PICALM: variants seen among roughly 807,000 people sequenced by gnomAD.
PICALM encodes the protein phosphatidylinositol binding clathrin assembly protein, also known as phosphatidylinositol-binding clathrin assembly protein.
PICALM carries 40 observed loss-of-function variants against 80.5 expected under a neutral mutation model. That is an observed-to-expected ratio of 0.50 (90% CI 0.39 to 0.65). The LOEUF is 0.65. Ranked by LOEUF, PICALM falls within the 30% of genes least tolerant of loss-of-function variation. The pLI is 0.00. For missense variants in PICALM, 676 were observed against 778.9 expected, an observed-to-expected ratio of 0.87 and a Z score of 1.57; for synonymous variants, 288 against 260.3, an observed-to-expected ratio of 1.11 and a Z score of -1.02.
chr11:86,031,490 A>C lies in PICALM; in HGVS notation c.252T>G (p.His84Gln), dbSNP rs371017558. 2 of 1,612,524 alleles carry C rather than the reference A, an allele frequency of 1.2e-6. No homozygotes were observed. The highest frequency in any genetic ancestry group is 1.7e-6 in the Non-Finnish European group (2 of 1,179,464). Residue 84 changes from histidine (H) to glutamine (Q), a missense_variant, in exon 2 of 20, where the codon CAT becomes CAG. Physicochemically the swap from His to Gln is conservative, Grantham distance 24. Around this residue, in one of 2 missense-constraint regions of PICALM, gnomAD observed 285 missense variants for 395.4 expected, o/e 0.72. Coordinates refer to ENST00000393346, the MANE Select transcript of PICALM (RefSeq NM_007166.4). ...VVFKSLITTHHLMVYGNERFI... is the reference protein window; with the variant it reads ...VVFKSLITTHQLMVYGNERFI... Reference sequence around the variant, plus strand: ...TTACCTCATTTCCATACACCATCAAATGATGAGTTGTAATGAGAGATTTGA... The same window carrying C: ...TTACCTCATTTCCATACACCATCAACTGATGAGTTGTAATGAGAGATTTGA...
At chr11:86,000,507 C>T in intron 11 of PICALM, 136 bp downstream of exon 11, 1 of 610,612 alleles carries the variant, frequency 1.6e-6, no homozygotes, top group South Asian at 2.5e-5. Flanking sequence ...ATACCAATAT[C>T]ACCATTTATC....
At chr11:86,060,068 T>C (rs1593482222) in intron 1 of PICALM, among the ~76,000 whole-genome samples, 1 of 152,202 alleles carries the variant, frequency 6.6e-6, no homozygotes, top group African/African-American at 2.4e-5. Flanking sequence ...CCACATCTCT[T>C]GCTTGAAATC....
chr11:86,018,385 AC>A (rs1302747920), intron 4 of PICALM, among the ~76,000 whole-genome samples: 1 of 152,234 alleles, frequency 6.6e-6, no homozygotes. Flanking sequence ...ATTTAGTATA[AC>A]TTTTATAAAG....
At chr11:86,048,431 A>G (rs1385928402) in intron 1 of PICALM, among the ~76,000 whole-genome samples, 2 of 152,216 alleles carry the variant, frequency 1.3e-5, no homozygotes, top group Non-Finnish European at 2.9e-5. Context: ...TATACTCTAT[A>G]AAGTCTAAGA....
At position 86,011,036 on chromosome 11, in the gene PICALM, A is replaced by G; in HGVS notation, c.759T>C (p.Val253=). Residue 253 remains valine, a synonymous_variant, in exon 7 of 20, where the codon GTT becomes GTC. Transcript: ENST00000393346. The part of the protein sequence containing the change: ...RMTRISEFLK[V]AEQVGIDRGD... ...TCACTTAAAGACAGTTTACCTCTGC[A>G]ACTTTGAGGAACTCTGAGATTCTTG... The G allele has an allele frequency of 6.8e-7, 1 of 1,474,774 alleles. No individual in the cohort carries two copies. The highest frequency in any genetic ancestry group is 9.4e-7 in the Non-Finnish European group (1 of 1,062,884). 91.4% of individuals were successfully genotyped at this position (1,474,774 alleles called of 1,614,324 possible).
intron 17 of PICALM, among the ~76,000 whole-genome samples, chr11:85,979,482 T>A: frequency 6.9e-6 from 1 of 145,228 alleles, no homozygotes. Flanking sequence ...AGAGCAAGAC[T>A]CCGTCACAAA....
At chr11:85,975,055 T>C (rs2094233029) in intron 18 of PICALM, among the ~76,000 whole-genome samples, 1 of 152,226 alleles carries the variant, frequency 6.6e-6, no homozygotes, top group Admixed American at 6.5e-5. Context: ...ACTTTTTCTA[T>C]TCAATGAGTT....
intron 3 of PICALM, among the ~76,000 whole-genome samples, chr11:86,024,435 C>G (rs1431140154): frequency 7.4e-6 from 1 of 135,366 alleles, no homozygotes. Flanking sequence ...AAAAAAAATT[C>G]CCCTGATCTT....
In PICALM at chr11:85,973,409, T is replaced by C. The variant is rs1012040385; in HGVS notation, c.1944+1299A>G. On this transcript the variant is annotated intron_variant, in intron 19 of 19. Coordinates refer to ENST00000393346, the MANE Select transcript of PICALM (RefSeq NM_007166.4). ...AATAGGTAAGTAGAGGATATTAAGA[T>C]AGTTCAAGAGAAAGACAGAGAGGGA... Among the ~76,000 whole-genome samples, 14 of 152,296 alleles carry C rather than the reference T, an allele frequency of 9.2e-5. 1 individual carries two copies. Among genetic ancestry groups the C allele is most frequent in the Admixed American group, 4.6e-4 (7 of 15,296 alleles).
At position 85,981,730 on chromosome 11, in the gene PICALM, A is replaced by G. The variant is rs1047294021; in HGVS notation, c.1679+15T>C. 8.2e-6 allele frequency: 13 copies of G among 1,590,580 alleles called. No individual in the cohort carries two copies. Among genetic ancestry groups the G allele is most frequent in the African/African-American group, 1.3e-5 (1 of 74,456 alleles). On this transcript the variant is annotated intron_variant, in intron 16 of 19. Coordinates refer to ENST00000393346, the MANE Select transcript of PICALM (RefSeq NM_007166.4). Reference sequence around the variant, plus strand: ...ATAACACACGGAGAAAACAATGTGTATATTAAACACTCACTTCTTAGTGGT... The same window carrying G: ...ATAACACACGGAGAAAACAATGTGTGTATTAAACACTCACTTCTTAGTGGT...
chr11:85,966,838 T>A (rs985917394), intron 19 of PICALM, among the ~76,000 whole-genome samples: 1 of 152,072 alleles, frequency 6.6e-6, no homozygotes, highest in African/African-American at 2.4e-5. Context: ...AGATGCAAAC[T>A]ATGGAACGAA....
At chr11:85,967,687 C>T (rs2093948238) in intron 19 of PICALM, among the ~76,000 whole-genome samples, 1 of 152,160 alleles carries the variant, frequency 6.6e-6, no homozygotes, top group South Asian at 2.1e-4. Context: ...TGCCAATACT[C>T]ACAATTAACA....
chr11:86,048,772 C>T (rs1039226978), intron 1 of PICALM, among the ~76,000 whole-genome samples: 4 of 139,866 alleles, frequency 2.9e-5, no homozygotes, highest in Non-Finnish European at 4.5e-5. Flanking sequence ...GCAGAGGTTG[C>T]GGTGAGCCAA....
intron 12 of PICALM, among the ~76,000 whole-genome samples, chr11:85,993,735 C>G (rs1245444398): frequency 1.3e-5 from 2 of 151,958 alleles, no homozygotes; most frequent in Non-Finnish European, 2.9e-5. Flanking sequence ...CACCACACAC[C>G]TGGCGCAAAA....
At chr11:86,037,259 ATTTT>A (rs763255182) in intron 1 of PICALM, among the ~76,000 whole-genome samples, 1 of 106,044 alleles carries the variant, frequency 9.4e-6, no homozygotes, top group Non-Finnish European at 1.8e-5. Context: ...AAAAAAGAAA[ATTTT>A]TTTTTTTTTT....
chr11:86,069,001 C>A lies in PICALM; in HGVS notation c.-221G>T. The A allele has an allele frequency of 1.8e-6, 1 of 564,530 alleles. No homozygotes were observed. Among genetic ancestry groups the A allele is most frequent in the Non-Finnish European group, 3.1e-6 (1 of 323,708 alleles). 35.0% of individuals were successfully genotyped at this position (564,530 alleles called of 1,614,324 possible). A position where few individuals can be genotyped will look rare whatever the true frequency, so the allele number is the denominator to read the frequency against. ...GGACAAGATGTCGGGCACTCCCTTG[C>A]CCCCGCCTCAGTTCAGCCCACCCCT... On this transcript the variant is annotated 5_prime_UTR_variant, in exon 1 of 20. Coordinates refer to ENST00000393346, the MANE Select transcript of PICALM (RefSeq NM_007166.4).
At chr11:86,053,669 G>A (rs1194196585) in intron 1 of PICALM, among the ~76,000 whole-genome samples, 1 of 152,134 alleles carries the variant, frequency 6.6e-6, no homozygotes, top group Non-Finnish European at 1.5e-5. Flanking sequence ...CTGGGCTCAA[G>A]TGATCCTCCC....
intron 19 of PICALM, among the ~76,000 whole-genome samples, chr11:85,963,754 G>A (rs553675009): frequency 1.4e-5 from 2 of 147,618 alleles, no homozygotes; most frequent in African/African-American, 2.4e-5. Context: ...GTTATAGAGC[G>A]TGTTTCATAT....
chr11:86,027,651 A>G (rs572060451), intron 2 of PICALM, among the ~76,000 whole-genome samples: 218 of 152,014 alleles, frequency 1.4e-3, no homozygotes, highest in Non-Finnish European at 2.5e-3. Context: ...CTCGCCCCCA[A>G]GTAGCTGGGA....
Sources: gnomAD v4.1 joint callset for allele counts (sites outside exome capture counted in the v4.1 genomes callset) on GRCh38, gnomAD v4.1.1 for gene constraint, gnomAD v4.1.1 regional missense constraint, MANE v1.5 for transcripts, NCBI Gene and HGNC (gene_info 2026-07-23, HGNC 2026-07-21) for gene names.